The following CYTH1 variants were observed in gnomAD, a reference collection of about 807,000 sequenced individuals.
CYTH1 encodes cytohesin 1, also known as cytohesin-1.
In CYTH1, 18 loss-of-function variants were observed where a neutral mutation model predicts 61.8. That is an observed-to-expected ratio of 0.29 (90% CI 0.20 to 0.43). The LOEUF (loss-of-function observed/expected upper bound fraction) is 0.43, where lower values mean the gene tolerates loss of function less well. CYTH1 is among the 20% of genes least tolerant of loss of function. CYTH1 has a pLI of 1.00. For missense variants in CYTH1, 336 were observed against 510.5 expected (o/e 0.66, Z 3.29); for synonymous variants, 174 against 184.3 (o/e 0.94, Z 0.45).
intron 1 of CYTH1, among the ~76,000 whole-genome samples, chr17:78,753,503 A>T (rs939265644): frequency 1.6e-4 from 8 of 50,536 alleles, no homozygotes; most frequent in African/African-American, 2.8e-4. Flanking sequence ...TCTACTTAAT[A>T]AATAAATAAA....
Position 78,700,284 on chromosome 17 carries a change from C to G in CYTH1, c.550+47G>C. 6.8e-7 allele frequency: 1 copy of G among 1,478,616 alleles called. No homozygotes were observed. The highest frequency in any genetic ancestry group is 9.1e-7 in the Non-Finnish European group (1 of 1,094,336). 91.6% of individuals were successfully genotyped at this position (1,478,616 alleles called of 1,614,324 possible). A position where few individuals can be genotyped will look rare whatever the true frequency, so the allele number is the denominator to read the frequency against. On this transcript the variant is annotated intron_variant, in intron 7 of 13. Coordinates refer to ENST00000446868, the MANE Select transcript of CYTH1 (RefSeq NM_004762.6). The surrounding 1 kb of genome is among the most constrained non-coding windows in gnomAD (Gnocchi z 5.1). ...AATTATCTGGTGCCAAGAAAATAATCCAGTGTAAAACGCCCATCATAAACT... is the reference window on the plus strand; with the variant it reads ...AATTATCTGGTGCCAAGAAAATAATGCAGTGTAAAACGCCCATCATAAACT...
chr17:78,773,288 A>G (rs1242809094), intron 1 of CYTH1, among the ~76,000 whole-genome samples: 1 of 152,152 alleles, frequency 6.6e-6, no homozygotes, highest in South Asian at 2.1e-4. Context: ...TGGGTAACAC[A>G]GTGAGACCCT....
At chr17:78,775,307 C>G (rs963732060) in intron 1 of CYTH1, among the ~76,000 whole-genome samples, 2 of 152,316 alleles carry the variant, frequency 1.3e-5, no homozygotes, top group African/African-American at 4.8e-5. Flanking sequence ...TTGAAAGCCT[C>G]GGGTGCTAAG....
At chr17:78,704,770 C>T (rs921533949) in intron 3 of CYTH1, among the ~76,000 whole-genome samples, 8 of 152,224 alleles carry the variant, frequency 5.3e-5, no homozygotes, top group African/African-American at 1.9e-4. Flanking sequence ...AATCCTCCTA[C>T]CTTGGCCTCC....
intron 1 of CYTH1, among the ~76,000 whole-genome samples, chr17:78,767,540 TAGATGA>T (rs2093453873): frequency 6.6e-6 from 1 of 151,638 alleles, no homozygotes; most frequent in South Asian, 2.1e-4. Context: ...AACGGATGAA[TAGATGA>T]ACAAATGGAT....
At chr17:78,734,241 C>CAA (rs35615036) in intron 1 of CYTH1, among the ~76,000 whole-genome samples, 9 of 127,566 alleles carry the variant, frequency 7.1e-5, no homozygotes, top group Non-Finnish European at 1.2e-4. Flanking sequence ...GACTCTGTCT[C>CAA]AAAAAAAAAA....
intron 1 of CYTH1, among the ~76,000 whole-genome samples, chr17:78,777,383 A>T (rs755399247): frequency 6.6e-6 from 1 of 152,164 alleles, no homozygotes; most frequent in Non-Finnish European, 1.5e-5. Context: ...GCGCCACTGC[A>T]CTCTAGCCTG....
chr17:78,709,397 T>G, intron 2 of CYTH1: 2 of 471,962 alleles, frequency 4.2e-6, no homozygotes, highest in Non-Finnish European at 3.8e-6. Flanking sequence ...ACAGGAGTCT[T>G]GCAGGCTATC....
intron 1 of CYTH1, among the ~76,000 whole-genome samples, chr17:78,773,904 CCTAAGTTAAGT>C (rs2093481225): frequency 6.6e-6 from 1 of 152,010 alleles, no homozygotes; most frequent in East Asian, 1.9e-4. Flanking sequence ...AAAGAGTTAA[CCTAAGTTAAGT>C]AAATAAACCA....
intron 1 of CYTH1, among the ~76,000 whole-genome samples, chr17:78,750,801 C>CAAAAAAAAAAA (rs201658926): frequency 7.9e-6 from 1 of 126,846 alleles, no homozygotes. Context: ...GACTCCATCT[C>CAAAAAAAAAAA]AAAAAAAAAA....
chr17:78,755,158 C>T (rs773117660), intron 1 of CYTH1, among the ~76,000 whole-genome samples: 1 of 152,146 alleles, frequency 6.6e-6, no homozygotes, highest in East Asian at 1.9e-4. Flanking sequence ...AACAATGAAT[C>T]TCAAACATAA....
At chr17:78,761,028 G>T (rs1011284204) in intron 1 of CYTH1, among the ~76,000 whole-genome samples, 5 of 152,048 alleles carry the variant, frequency 3.3e-5, no homozygotes, top group African/African-American at 1.2e-4. Flanking sequence ...TAGAGACAGA[G>T]TTTCAACATG....
rs1326824700 is a variant in CYTH1 at position 78,681,846 on chromosome 17, A to AC, written c.892-805_892-804insG. On this transcript the variant is annotated intron_variant, in intron 11 of 13. Coordinates refer to ENST00000446868, the MANE Select transcript of CYTH1 (RefSeq NM_004762.6). Reference sequence around the variant, plus strand: ...GAGCAAGACTCTGTCTCAAAAAAAAAAAAAAAAAACCAACCAGTTCTATGA... The same window carrying AC: ...GAGCAAGACTCTGTCTCAAAAAAAAACAAAAAAAAACCAACCAGTTCTATGA... Among the ~76,000 whole-genome samples, 7 of 119,392 alleles carry AC rather than the reference A, an allele frequency of 5.9e-5. No individual in the cohort carries two copies. In the South Asian group the frequency reaches 1.2e-3, roughly 21 times the overall value. The allele number at this position is 119,392 out of a possible 152,430, so 78.3% of individuals were successfully genotyped here.
chr17:78,698,194 C>G (rs2092965445), intron 9 of CYTH1, 75 bp downstream of exon 9: 11 of 1,200,370 alleles, frequency 9.2e-6, no homozygotes, highest in Non-Finnish European at 1.4e-5. Flanking sequence ...CACACGCACG[C>G]ACGCACACAC....
chr17:78,680,140 A>T, intron 13 of CYTH1, 50 bp downstream of exon 13: 1 of 1,599,842 alleles, frequency 6.3e-7, no homozygotes, highest in Non-Finnish European at 8.5e-7. Flanking sequence ...ACACCTGGTG[A>T]GGTGAGGGCT....
rs146162992 is a variant in CYTH1, at chr17:78,676,098, C to T, written c.1190G>A (p.Arg397Gln). The T allele has an allele frequency of 7.8e-5, 125 of 1,608,440 alleles. No homozygotes were observed. In the African/African-American group the frequency reaches 1.4e-3, roughly 18 times the overall value. Reference protein sequence around the residue: ...ARKKKVSSTKRH With the variant: ...ARKKKVSSTKQH Reference sequence around the variant, plus strand: ...ACGCCCTTGGCTGCACGCTCAGTGTCGCTTCGTGGAGGAGACCTTCTTTTT... The same window carrying T: ...ACGCCCTTGGCTGCACGCTCAGTGTTGCTTCGTGGAGGAGACCTTCTTTTT... The change falls in exon 14 of 14, where the codon CGA (arginine) becomes CAA (glutamine). Residue 397 changes from arginine (R) to glutamine (Q), a missense_variant. By Grantham distance (43) the Arg-to-Gln change is conservative. This residue lies in a region of CYTH1 where 83 missense variants were observed against 115.6 expected (regional missense o/e 0.72). Transcript: ENST00000446868.
In CYTH1 at chr17:78,677,531, G is replaced by C. The variant is rs982803919; in HGVS notation, c.1119-1362C>G. ...AAAGAGCACATCTCAGCGCCTAGCC[G>C]ACACACTCGATGGCAGCCGCTGTTA... is the stretch of plus-strand genomic sequence containing the variant. On this transcript the variant is annotated intron_variant, in intron 13 of 13. Coordinates refer to ENST00000446868, the MANE Select transcript of CYTH1 (RefSeq NM_004762.6). 34 of 163,074 alleles carry C rather than the reference G, an allele frequency of 2.1e-4. 1 individual carries two copies. The highest frequency in any genetic ancestry group is 2.1e-3 in the Admixed American group (34 of 16,434). The allele number at this position is 163,074 out of a possible 1,614,324, so 10.1% of individuals were successfully genotyped here. A position where few individuals can be genotyped will look rare whatever the true frequency, so the allele number is the denominator to read the frequency against.
At chr17:78,708,343 C>G in intron 2 of CYTH1, 82 bp from the exon 3 acceptor site, 1 of 1,303,170 alleles carries the variant, frequency 7.7e-7, no homozygotes, top group Non-Finnish European at 1.1e-6. Flanking sequence ...ATAACTCCCT[C>G]CAACCAAAAA....
chr17:78,684,382 C>T (rs2092795378), intron 11 of CYTH1, among the ~76,000 whole-genome samples: 2 of 152,132 alleles, frequency 1.3e-5, no homozygotes, highest in Admixed American at 1.3e-4. Context: ...TTAAAAAGGC[C>T]CCTGCCTAGA....
Sources: allele counts gnomAD v4.1 joint callset (sites outside exome capture counted in the v4.1 genomes callset), GRCh38; gene constraint gnomAD v4.1.1; regional missense constraint gnomAD v4.1.1; non-coding constraint Gnocchi (gnomAD v3.1); transcripts MANE v1.5; gene names NCBI Gene and HGNC (gene_info 2026-07-23, HGNC 2026-07-21).